RTN1: variants seen among roughly 807,000 people sequenced by gnomAD.
The protein encoded by RTN1 is reticulon-1.
A neutral mutation model predicts 65.5 loss-of-function variants in RTN1; 25 were observed. That is an observed-to-expected ratio of 0.38 (90% CI 0.28 to 0.53). The LOEUF (loss-of-function observed/expected upper bound fraction) is 0.53. RTN1 is among the 20% of genes least tolerant of loss of function. RTN1 has a pLI of 0.79. For synonymous variants in RTN1, 471 were observed against 447.6 expected (o/e 1.05, Z -0.66); for missense variants, 983 against 1,025.4 (o/e 0.96, Z 0.57).
chr14:59,830,338 C>G (rs1055706912), intron 1 of RTN1, among the ~76,000 whole-genome samples: 6 of 152,224 alleles, frequency 3.9e-5, no homozygotes, highest in Non-Finnish European at 8.8e-5. Context: ...CAGCAAGCCA[C>G]AGTTAAACCA....
chr14:59,689,950 C>T (rs935860162), intron 3 of RTN1, among the ~76,000 whole-genome samples: 20 of 151,874 alleles, frequency 1.3e-4, no homozygotes, highest in Middle Eastern at 6.8e-3. Context: ...GGATCAAAAC[C>T]TCACATATCA....
chr14:59,825,140 C>T lies in RTN1; in HGVS notation c.241+45250G>A, dbSNP rs903210700. ...ACTTGTTCTAGAGAGCTGTCCTGTG[C>T]ATTGTAGAATCTTTACCAACATCCC... On this transcript the variant is annotated intron_variant, in intron 1 of 8. Coordinates refer to ENST00000267484, the MANE Select transcript of RTN1 (RefSeq NM_021136.3). The surrounding 1 kb of genome is among the most constrained non-coding windows in gnomAD (Gnocchi z 4.2). Among the ~76,000 whole-genome samples the T allele has an allele frequency of 3.3e-5, 5 of 152,244 alleles. No individual in the cohort carries two copies. The highest frequency in any genetic ancestry group is 4.8e-5 in the African/African-American group (2 of 41,464).
Position 59,819,411 on chromosome 14 carries a change from ACCACCCCCCCCCCACCCCCCACCCCC to A in RTN1, c.241+50953_241+50978del, listed in dbSNP as rs1886888713. Among the ~76,000 whole-genome samples, 18 of 12,736 alleles carry A rather than the reference ACCACCCCCCCCCCACCCCCCACCCCC, an allele frequency of 1.4e-3. 4 individuals are homozygous for A. In the South Asian group the frequency reaches 0.04, roughly 29 times the overall value. 8.4% of individuals were successfully genotyped at this position (12,736 alleles called of 152,430 possible). A position where few individuals can be genotyped will look rare whatever the true frequency, so the allele number is the denominator to read the frequency against. On this transcript the variant is annotated intron_variant, in intron 1 of 8. Coordinates refer to ENST00000267484, the MANE Select transcript of RTN1 (RefSeq NM_021136.3). ...AGCTGATTGGTGCATCCACACCACC[ACCACCCCCCCCCCACCCCCCACCCCC>A]CCCCCCCGGCCACAGCTAGACACAG...
chr14:59,621,104 A>G (rs1344557606), intron 3 of RTN1, among the ~76,000 whole-genome samples: 3 of 152,220 alleles, frequency 2.0e-5, no homozygotes, highest in African/African-American at 7.2e-5. Flanking sequence ...TTTTGCTTAG[A>G]GTGGTATCAA....
intron 1 of RTN1, among the ~76,000 whole-genome samples, chr14:59,778,973 G>T (rs967531863): frequency 6.6e-6 from 1 of 152,156 alleles, no homozygotes; most frequent in Non-Finnish European, 1.5e-5. Flanking sequence ...AATCAAGGGA[G>T]ATCTGACCTG....
chr14:59,615,590 G>A (rs1040841005), intron 3 of RTN1, among the ~76,000 whole-genome samples: 11 of 152,154 alleles, frequency 7.2e-5, no homozygotes, highest in Admixed American at 3.9e-4. Flanking sequence ...GGGTTCTAAA[G>A]GGTTTGTGAA....
intron 2 of RTN1, among the ~76,000 whole-genome samples, chr14:59,736,251 A>T (rs1292538765): frequency 2.0e-5 from 3 of 152,086 alleles, no homozygotes; most frequent in Non-Finnish European, 1.5e-5. Flanking sequence ...CTGTTTTTTT[A>T]AAAAATAATT....
At chr14:59,670,272 T>A (rs910776204) in intron 3 of RTN1, among the ~76,000 whole-genome samples, 3 of 152,218 alleles carry the variant, frequency 2.0e-5, no homozygotes, top group Non-Finnish European at 2.9e-5. Context: ...ATTAAACATT[T>A]ATAGCCCAGC....
Position 59,856,664 on chromosome 14 carries a change from C to T in RTN1, c.241+13726G>A, listed in dbSNP as rs1217590319. Among the ~76,000 whole-genome samples the T allele has an allele frequency of 2.6e-5, 4 of 152,162 alleles. 1 individual carries two copies. The highest frequency in any genetic ancestry group is 5.9e-5 in the Non-Finnish European group (4 of 68,034). On this transcript the variant is annotated intron_variant, in intron 1 of 8. Coordinates refer to ENST00000267484, the MANE Select transcript of RTN1 (RefSeq NM_021136.3). ...GATTACCAAAACCGACTTCTCTCCA[C>T]CCCCAATCCTTCCTTGCTCTCCTGA...
rs1886321643 is a variant in RTN1 at position 59,790,104 on chromosome 14, G to A, written c.242-43623C>T. Among the ~76,000 whole-genome samples the A allele has an allele frequency of 6.6e-6, 1 of 152,136 alleles. No homozygotes were observed. Among genetic ancestry groups the A allele is most frequent in the Middle Eastern group, 3.2e-3 (1 of 314 alleles). ...AAATAATTAGAAATAGATAGGAGAA[G>A]ATAGGCATGAAGAAAACCTGAAATA... On this transcript the variant is annotated intron_variant, in intron 1 of 8. Transcript: ENST00000267484. The surrounding 1 kb of genome is among the most constrained non-coding windows in gnomAD (Gnocchi z 4.1).
intron 3 of RTN1, among the ~76,000 whole-genome samples, chr14:59,702,122 A>G (rs2139448579): frequency 6.6e-6 from 1 of 152,322 alleles, no homozygotes; most frequent in Non-Finnish European, 1.5e-5. Flanking sequence ...TATTTTAGAA[A>G]ATAATTAACA....
At chr14:59,629,843 A>G (rs1349622443) in intron 3 of RTN1, among the ~76,000 whole-genome samples, 1 of 152,218 alleles carries the variant, frequency 6.6e-6, no homozygotes, top group Non-Finnish European at 1.5e-5. Context: ...AATAGTAGTC[A>G]CAGGTTACTC....
At chr14:59,793,415 C>T (rs1886384281) in intron 1 of RTN1, among the ~76,000 whole-genome samples, 1 of 152,088 alleles carries the variant, frequency 6.6e-6, no homozygotes, top group South Asian at 2.1e-4. Context: ...CTAAATGCAA[C>T]CTTTTTTTCT....
chr14:59,806,528 T>A (rs199891695), intron 1 of RTN1, among the ~76,000 whole-genome samples: 25 of 152,264 alleles, frequency 1.6e-4, no homozygotes, highest in African/African-American at 6.0e-4. Context: ...TAAACTTGTG[T>A]CATGGGGGTT....
intron 3 of RTN1, among the ~76,000 whole-genome samples, chr14:59,658,160 G>A (rs373729177): frequency 1.3e-5 from 2 of 152,244 alleles, no homozygotes; most frequent in South Asian, 2.1e-4. Context: ...AGAGCCCACT[G>A]CAGCTTAGCA....
chr14:59,770,688 G>T (rs1885939274), intron 1 of RTN1, among the ~76,000 whole-genome samples: 1 of 152,164 alleles, frequency 6.6e-6, no homozygotes. Context: ...ATTCAAAAAT[G>T]AAAATAAACA....
At chr14:59,691,895 T>C (rs1353015208) in intron 3 of RTN1, among the ~76,000 whole-genome samples, 1 of 151,980 alleles carries the variant, frequency 6.6e-6, no homozygotes. Context: ...TGCTTTATGA[T>C]AAAAACTCTC....
At chr14:59,806,894 T>C (rs567038683) in intron 1 of RTN1, among the ~76,000 whole-genome samples, 3 of 152,378 alleles carry the variant, frequency 2.0e-5, no homozygotes, top group South Asian at 4.1e-4. Flanking sequence ...TGGTTCCTTG[T>C]CTTTGCTATT....
chr14:59,777,874 C>T (rs1240346855), intron 1 of RTN1, among the ~76,000 whole-genome samples: 1 of 150,976 alleles, frequency 6.6e-6, no homozygotes, highest in African/African-American at 2.4e-5. Context: ...CACAAAACAC[C>T]CTAATATTTA....
Sources: allele counts gnomAD v4.1 joint callset (sites outside exome capture counted in the v4.1 genomes callset), GRCh38; gene constraint gnomAD v4.1.1; non-coding constraint Gnocchi (gnomAD v3.1); transcripts MANE v1.5; gene names NCBI Gene and HGNC (gene_info 2026-07-23, HGNC 2026-07-21).